IL16: variants seen among roughly 807,000 people sequenced by gnomAD.
IL16 encodes interleukin 16.
In IL16, 67 loss-of-function variants were observed where a neutral mutation model predicts 110.1. That is an observed-to-expected ratio of 0.61 (90% CI 0.50 to 0.75). The LOEUF (loss-of-function observed/expected upper bound fraction) is 0.75. Ranked by LOEUF, IL16 falls within the 30% of genes least tolerant of loss-of-function variation. The pLI is 0.00. For synonymous variants in IL16, 689 were observed against 662.9 expected (o/e 1.04, Z -0.61); for missense variants, 1,545 against 1,655.0 (o/e 0.93, Z 1.15).
rs564232463 is a variant in IL16 at position 81,197,597 on chromosome 15, G to A, written c.-102+445G>A. ...TCCTTTTCTCCAAAGTGGGCACAGC[G>A]GGTGGGCATCTCTGCAGATTGACCA... is the stretch of plus-strand genomic sequence containing the variant. On this transcript the variant is annotated intron_variant, in intron 1 of 18. Transcript: ENST00000683961. Among the ~76,000 whole-genome samples the A allele has an allele frequency of 1.3e-4, 20 of 152,222 alleles. No homozygotes were observed. The South Asian group carries it at 3.7e-3, about 28-fold the overall frequency.
intron 2 of IL16, among the ~76,000 whole-genome samples, chr15:81,243,163 ATTTTTTTTT>A (rs1219851899): frequency 2.0e-4 from 3 of 15,034 alleles, no homozygotes; most frequent in African/African-American, 4.5e-4. Flanking sequence ...ATATATATAT[ATTTTTTTTT>A]TTTTTTTTTT....
intron 1 of IL16, among the ~76,000 whole-genome samples, chr15:81,189,393 G>A (rs930774721): frequency 3.9e-5 from 6 of 152,142 alleles, no homozygotes; most frequent in Non-Finnish European, 8.8e-5. Context: ...TAAAGTGCTG[G>A]GATTACAAGC....
chr15:81,284,872 A>AT (rs753960320), intron 9 of IL16, among the ~76,000 whole-genome samples: 1 of 152,222 alleles, frequency 6.6e-6, no homozygotes, highest in Non-Finnish European at 1.5e-5. Flanking sequence ...GCAGAGTTGA[A>AT]TAGTTTCGAT....
At chr15:81,189,008 T>C (rs563392049) in intron 1 of IL16, among the ~76,000 whole-genome samples, 2 of 152,214 alleles carry the variant, frequency 1.3e-5, no homozygotes, top group South Asian at 4.2e-4. Flanking sequence ...AGTGGTATGA[T>C]CAAGGCTCAC....
In IL16 at chr15:81,313,263, T is replaced by G; in HGVS notation, c.*4465T>G. ...CAAGAAGTAACGATAGCATTACTCA[T>G]GGAATTGCTTCACTGCTTTCTGAAG... On this transcript the variant is annotated 3_prime_UTR_variant, in exon 19 of 19. Transcript: ENST00000683961. 2 of 1,568,280 alleles carry G rather than the reference T, an allele frequency of 1.3e-6. No individual in the cohort carries two copies. Among genetic ancestry groups the G allele is most frequent in the Non-Finnish European group, 8.6e-7 (1 of 1,156,916 alleles).
chr15:81,249,158 A>G lies in IL16; in HGVS notation c.313-10614A>G, dbSNP rs79191730. On this transcript the variant is annotated intron_variant, in intron 2 of 18. Transcript: ENST00000683961. ...AAAACCATTGAATATTTTCACCCCA[A>G]TAGTATGTTTTCCTGGTTCATATCC... Among the ~76,000 whole-genome samples the G allele has an allele frequency of 1.6e-3, 247 of 152,302 alleles. 7 individuals are homozygous for G. In the East Asian group the frequency reaches 0.042, roughly 26 times the overall value.
intron 1 of IL16, among the ~76,000 whole-genome samples, chr15:81,222,438 C>T (rs1896648603): frequency 6.7e-6 from 1 of 149,806 alleles, no homozygotes; most frequent in East Asian, 2.0e-4. Flanking sequence ...TAGGTCAATG[C>T]AGTTTCAGGC....
intron 9 of IL16, 87 bp from the exon 10 acceptor site, chr15:81,285,611 C>A: frequency 7.0e-7 from 1 of 1,422,646 alleles, no homozygotes; most frequent in Non-Finnish European, 9.7e-7. Flanking sequence ...ATCAAACAGC[C>A]CAGCCAGGAG....
chr15:81,215,046 T>A (rs184457703), intron 1 of IL16, among the ~76,000 whole-genome samples: 1 of 152,364 alleles, frequency 6.6e-6, no homozygotes, highest in Non-Finnish European at 1.5e-5. Context: ...ATTCCCTGGA[T>A]TGATTGGGCT....
intron 2 of IL16, among the ~76,000 whole-genome samples, chr15:81,238,088 G>A (rs1276730394): frequency 2.0e-5 from 3 of 152,018 alleles, no homozygotes; most frequent in Non-Finnish European, 2.9e-5. Context: ...ATTTTTAGTA[G>A]AGATGGGGTT....
intron 1 of IL16, among the ~76,000 whole-genome samples, chr15:81,184,276 G>A (rs1392809246): frequency 1.3e-5 from 2 of 152,214 alleles, no homozygotes; most frequent in Non-Finnish European, 2.9e-5. Flanking sequence ...CACTGCCTTT[G>A]GTTGGGTTTC....
At chr15:81,194,998 G>A (rs1275464748), upstream of IL16, among the ~76,000 whole-genome samples, 1 of 152,094 alleles carries the variant, frequency 6.6e-6, no homozygotes. Context: ...GCTGGACTAT[G>A]GAGTGTTGGG....
intron 4 of IL16, 82 bp downstream of exon 4, chr15:81,265,883 G>T: frequency 7.5e-7 from 1 of 1,341,212 alleles, no homozygotes; most frequent in Non-Finnish European, 1.0e-6. Context: ...TGGCTGAAGA[G>T]GCCTTCCCAG....
At chr15:81,252,660 C>G (rs971123178) in intron 2 of IL16, among the ~76,000 whole-genome samples, 1 of 152,130 alleles carries the variant, frequency 6.6e-6, no homozygotes, top group Non-Finnish European at 1.5e-5. Context: ...CTGCCCGATC[C>G]CTAATTACCC....
At chr15:81,250,321 C>T (rs1467279717) in intron 2 of IL16, among the ~76,000 whole-genome samples, 2 of 152,144 alleles carry the variant, frequency 1.3e-5, no homozygotes, top group African/African-American at 4.8e-5. Flanking sequence ...AGGCATGAGC[C>T]ACCACTCCTG....
At chr15:81,219,648 G>T (rs1291763193) in intron 1 of IL16, among the ~76,000 whole-genome samples, 2 of 152,152 alleles carry the variant, frequency 1.3e-5, no homozygotes, top group Admixed American at 6.5e-5. Context: ...ACTTTTCTGA[G>T]GAGCAGCATT....
intron 7 of IL16, among the ~76,000 whole-genome samples, chr15:81,279,239 C>T (rs1899054059): frequency 6.6e-6 from 1 of 152,052 alleles, no homozygotes; most frequent in African/African-American, 2.4e-5. Flanking sequence ...TCTATCCATC[C>T]ATCTATCTAT....
upstream of IL16, among the ~76,000 whole-genome samples, chr15:81,192,320 G>A (rs537565583): frequency 2.0e-5 from 3 of 152,204 alleles, no homozygotes; most frequent in Non-Finnish European, 4.4e-5. Flanking sequence ...TAAAAAAGTG[G>A]TTGGGTGCAG....
At chr15:81,217,131 A>G (rs1410092905) in intron 1 of IL16, among the ~76,000 whole-genome samples, 1 of 152,226 alleles carries the variant, frequency 6.6e-6, no homozygotes, top group Non-Finnish European at 1.5e-5. Flanking sequence ...GCTTCTAAGA[A>G]TGAGTCCTTG....
Sources: gnomAD v4.1 joint callset for allele counts (sites outside exome capture counted in the v4.1 genomes callset) on GRCh38, gnomAD v4.1.1 for gene constraint, MANE v1.5 for transcripts, NCBI Gene and HGNC (gene_info 2026-07-23, HGNC 2026-07-21) for gene names.